GTPBP8: variants seen among roughly 807,000 people sequenced by gnomAD.
The protein encoded by GTPBP8 is GTP binding protein 8, also known as GTP-binding protein 8.
GTPBP8 carries 21 observed loss-of-function variants against 27.3 expected under a neutral mutation model. That is an observed-to-expected ratio of 0.77 (90% CI 0.55 to 1.11). The LOEUF is 1.11. Among genes scored for constraint, GTPBP8 ranks in the 50% least tolerant of loss-of-function variants. The pLI is 0.00. For missense variants in GTPBP8, 380 were observed against 350.8 expected (o/e 1.08, Z -0.67); for synonymous variants, 147 against 135.3 (o/e 1.09, Z -0.60).
At position 112,991,239 on chromosome 3, in the gene GTPBP8, G is replaced by A. The variant is rs1933667668; in HGVS notation, c.240G>A (p.Arg80=). ...ACCCAAGCCCGGAGGACATAGCCAG[G>A]GCGGACAACATCTTCACGGCCACTG... ...IFDPSPEDIA[R]ADNIFTATER... Residue 80 remains arginine (R), a synonymous_variant, in exon 1 of 6, where the codon AGG becomes AGA. Transcript: ENST00000383678. 2 of 1,614,114 alleles carry A rather than the reference G, an allele frequency of 1.2e-6. No individual in the cohort carries two copies. Among genetic ancestry groups the A allele is most frequent in the Non-Finnish European group, 1.7e-6 (2 of 1,180,038 alleles).
At chr3:112,994,685 T>G (rs1172950517) in intron 2 of GTPBP8, among the ~76,000 whole-genome samples, 1 of 152,226 alleles carries the variant, frequency 6.6e-6, no homozygotes, top group African/African-American at 2.4e-5. Flanking sequence ...AGTTTGGATC[T>G]AGGTTTTATG....
At chr3:112,997,867 T>C (rs979373507) in intron 4 of GTPBP8, among the ~76,000 whole-genome samples, 2 of 152,194 alleles carry the variant, frequency 1.3e-5, no homozygotes, top group Non-Finnish European at 2.9e-5. Flanking sequence ...ATAATAGTAT[T>C]CTTTATTTGG....
chr3:113,000,806 T>C, intron 5 of GTPBP8, 44 bp from the exon 6 acceptor site: 1 of 1,149,484 alleles, frequency 8.7e-7, no homozygotes, highest in Non-Finnish European at 1.3e-6. Flanking sequence ...TCAGATGTTA[T>C]ATCTGAGGAA....
At position 112,996,935 on chromosome 3, in the gene GTPBP8, C is replaced by A. The variant is rs202185647; in HGVS notation, c.610C>A (p.Gln204Lys). The A allele has an allele frequency of 1.3e-6, 2 of 1,583,176 alleles. No individual in the cohort carries two copies. Among genetic ancestry groups the A allele is most frequent in the African/African-American group, 1.3e-5 (1 of 74,336 alleles). ...ATTAGTGGATAGCGTTGTTGGAATT[C>A]AAAAAACAGACAATATTGCCATAGA... ...FLLVDSVVGI[Q>K]KTDNIAIEMC... The change falls in exon 4 of 6, where the codon CAA becomes AAA. Residue 204 changes from glutamine (Q) to lysine (K), a missense_variant. Coordinates refer to ENST00000383678, the MANE Select transcript of GTPBP8 (RefSeq NM_014170.4).
At chr3:112,995,493 G>A (rs1933766979) in intron 3 of GTPBP8, among the ~76,000 whole-genome samples, 1 of 150,252 alleles carries the variant, frequency 6.7e-6, no homozygotes, top group South Asian at 2.1e-4. Flanking sequence ...AAATTTAAGT[G>A]TTTTCCCAAA....
rs1332705715 is a variant in GTPBP8, at chr3:113,001,748, A to G, written c.*829A>G. 1.3e-5 allele frequency: 2 copies of G among 152,248 alleles called. No homozygotes were observed. The highest frequency in any genetic ancestry group is 3.8e-4 in the East Asian group (2 of 5,200). The allele number at this position is 152,248 out of a possible 1,614,324, so 9.4% of individuals were successfully genotyped here. ...AAAAATAGCTTTAAGTGAGAAAACT[A>G]ATTTGTAAAGGGCAAGAGAAAAAAG... On this transcript the variant is annotated 3_prime_UTR_variant, in exon 6 of 6. Transcript: ENST00000383678.
At chr3:112,996,514 T>G (rs535175247) in intron 3 of GTPBP8, among the ~76,000 whole-genome samples, 8 of 152,246 alleles carry the variant, frequency 5.3e-5, no homozygotes, top group African/African-American at 1.4e-4. Flanking sequence ...TTATAATTTA[T>G]GGTTCCTATA....
intron 2 of GTPBP8, among the ~76,000 whole-genome samples, chr3:112,994,145 G>A (rs1033329977): frequency 6.6e-6 from 1 of 152,052 alleles, no homozygotes; most frequent in African/African-American, 2.4e-5. Context: ...CTATCTTGCC[G>A]GGCACAGTGG....
chr3:112,997,976 TTA>T (rs1455573378), intron 4 of GTPBP8, among the ~76,000 whole-genome samples: 1 of 152,218 alleles, frequency 6.6e-6, no homozygotes, highest in African/African-American at 2.4e-5. Flanking sequence ...AATAGAAAAG[TTA>T]TATCTGTATC....
At chr3:112,997,150 AAAG>A (rs1286255018) in intron 4 of GTPBP8, among the ~76,000 whole-genome samples, 159 bp downstream of exon 4, 1 of 152,200 alleles carries the variant, frequency 6.6e-6, no homozygotes, top group African/African-American at 2.4e-5. Context: ...ATTAATATTA[AAAG>A]AAGTTCTATG....
chr3:112,992,429 T>C (rs1306632756), intron 1 of GTPBP8: 2 of 152,384 alleles, frequency 1.3e-5, no homozygotes, highest in Non-Finnish European at 2.9e-5. Flanking sequence ...CCCAATACCA[T>C]GTTCAAAAGC....
At position 112,999,533 on chromosome 3, in the gene GTPBP8, CA is replaced by C. The variant is rs775502337; in HGVS notation, c.756del (p.Gly253AspfsTer9). On this transcript the variant is annotated frameshift_variant, in exon 5 of 6. Coordinates refer to ENST00000383678, the MANE Select transcript of GTPBP8 (RefSeq NM_014170.4). LOFTEE classifies it high-confidence loss of function. The stretch of plus-strand genomic sequence containing the variant: ...CCAGAAATTTGTTAACATGAAAACT[CA>C]AGGATGTTTTCCTCAGTTGTTTCCT... The part of the protein sequence containing the change: ...QIQKFVNMKT[Q>X]GCFPQLFPVS... 6.8e-7 allele frequency: 1 copy of C among 1,474,238 alleles called. No individual in the cohort carries two copies. The highest frequency in any genetic ancestry group is 1.8e-4 in the Middle Eastern group (1 of 5,690). 91.3% of individuals were successfully genotyped at this position (1,474,238 alleles called of 1,614,324 possible). A position where few individuals can be genotyped will look rare whatever the true frequency, so the allele number is the denominator to read the frequency against.
At chr3:112,999,681 T>A in intron 5 of GTPBP8, 117 bp downstream of exon 5, 2 of 599,184 alleles carry the variant, frequency 3.3e-6, no homozygotes, top group South Asian at 4.9e-5. Flanking sequence ...ATGGAAAAGT[T>A]CTTTAGTGGT....
intron 4 of GTPBP8, among the ~76,000 whole-genome samples, chr3:112,997,418 G>A (rs913896834): frequency 6.6e-6 from 1 of 152,130 alleles, no homozygotes; most frequent in East Asian, 1.9e-4. Flanking sequence ...ATTGTTCCAG[G>A]AACATAGCAG....
chr3:112,992,621 T>TA (rs1933705137), intron 1 of GTPBP8: 1 of 157,292 alleles, frequency 6.4e-6, no homozygotes, highest in African/African-American at 2.4e-5. Context: ...GTAGTTGTAC[T>TA]TTTCATCTAG....
chr3:112,995,933 C>A (rs567181360), intron 3 of GTPBP8, among the ~76,000 whole-genome samples: 4 of 152,256 alleles, frequency 2.6e-5, no homozygotes, highest in African/African-American at 4.8e-5. Flanking sequence ...TAAAATACTT[C>A]AGACATCACA....
intron 1 of GTPBP8, among the ~76,000 whole-genome samples, 153 bp from the exon 2 acceptor site, chr3:112,992,873 A>G (rs967379329): frequency 3.9e-5 from 6 of 152,244 alleles, no homozygotes; most frequent in African/African-American, 1.2e-4. Context: ...TAAAAAATGA[A>G]TAAGAAAATA....
intron 3 of GTPBP8, among the ~76,000 whole-genome samples, chr3:112,995,825 C>T (rs754558043): frequency 6.6e-5 from 10 of 152,086 alleles, no homozygotes; most frequent in Admixed American, 1.3e-4. Flanking sequence ...CATGAACCAC[C>T]GCACCTGGCC....
At position 113,000,807 on chromosome 3, in the gene GTPBP8, A is replaced by G. The variant is rs760951207; in HGVS notation, c.786-43A>G. On this transcript the variant is annotated intron_variant, in intron 5 of 5. Transcript: ENST00000383678. ...TTAAGTTGATGAATTCAGATGTTATATCTGAGGAAAGGAAGAAAATTATTT... is the reference window on the plus strand; with the variant it reads ...TTAAGTTGATGAATTCAGATGTTATGTCTGAGGAAAGGAAGAAAATTATTT... 4 of 1,195,906 alleles carry G rather than the reference A, an allele frequency of 3.3e-6. No homozygotes were observed. The South Asian group carries it at 5.2e-5, about 16-fold the overall frequency. The allele number at this position is 1,195,906 out of a possible 1,614,324, so 74.1% of individuals were successfully genotyped here. A position where few individuals can be genotyped will look rare whatever the true frequency, so the allele number is the denominator to read the frequency against.
Sources: gnomAD v4.1 joint callset for allele counts (sites outside exome capture counted in the v4.1 genomes callset) on GRCh38, gnomAD v4.1.1 for gene constraint, MANE v1.5 for transcripts, NCBI Gene and HGNC (gene_info 2026-07-23, HGNC 2026-07-21) for gene names.